Variants in CLMN observed in about 807,000 individuals in gnomAD.
CLMN encodes the protein calmin (calponin-like, transmembrane).
In CLMN, 57 loss-of-function variants were observed where a neutral mutation model predicts 92.7. The ratio of observed to expected loss-of-function variants is 0.61; its 90% confidence interval spans 0.50 to 0.77. The LOEUF (loss-of-function observed/expected upper bound fraction) is 0.77, where lower values mean the gene tolerates loss of function less well. Ranked by LOEUF, CLMN falls within the 30% of genes least tolerant of loss-of-function variation. The pLI is 0.00. For missense variants in CLMN, 1,158 were observed against 1,237.5 expected, an observed-to-expected ratio of 0.94 and a Z score of 0.96; for synonymous variants, 466 against 470.6, an observed-to-expected ratio of 0.99 and a Z score of 0.13.
chr14:95,212,916 G>A (rs1897238112), intron 6 of CLMN, among the ~76,000 whole-genome samples: 1 of 151,742 alleles, frequency 6.6e-6, no homozygotes, highest in African/African-American at 2.4e-5. Flanking sequence ...CTCCCGAGTA[G>A]CTGGGACTAC....
intron 9 of CLMN, among the ~76,000 whole-genome samples, chr14:95,200,478 C>T (rs1471943693): frequency 6.6e-6 from 1 of 152,200 alleles, no homozygotes; most frequent in Admixed American, 6.5e-5. Flanking sequence ...TCCTCCCTGG[C>T]TGTCTTGCCC....
chr14:95,247,972 C>A (rs1002032081), intron 1 of CLMN, among the ~76,000 whole-genome samples: 4 of 152,066 alleles, frequency 2.6e-5, no homozygotes, highest in African/African-American at 9.7e-5. Context: ...CCTGAGGCCC[C>A]ACTACACCCT....
intron 1 of CLMN, among the ~76,000 whole-genome samples, chr14:95,300,471 A>C (rs1297083139): frequency 6.6e-6 from 1 of 152,194 alleles, no homozygotes; most frequent in African/African-American, 2.4e-5. Flanking sequence ...AGATGTGACC[A>C]TCTTCACCTG....
chr14:95,213,179 A>G, intron 6 of CLMN, 40 bp downstream of exon 6: 1 of 1,586,760 alleles, frequency 6.3e-7, no homozygotes, highest in Non-Finnish European at 8.6e-7. Flanking sequence ...GAAAGCAGCT[A>G]GTTAAATGAA....
At chr14:95,288,879 A>G (rs149403127) in intron 1 of CLMN, among the ~76,000 whole-genome samples, 16 of 152,370 alleles carry the variant, frequency 1.1e-4, no homozygotes, top group Non-Finnish European at 1.6e-4. Context: ...ATGAAAAAGA[A>G]TTAACTCACA....
chr14:95,191,811 C>T lies in CLMN; in HGVS notation c.2841-79G>A. On this transcript the variant is annotated intron_variant, in intron 12 of 12. Coordinates refer to ENST00000298912, the MANE Select transcript of CLMN (RefSeq NM_024734.4). The surrounding 1 kb of genome is among the most constrained non-coding windows in gnomAD (Gnocchi z 5.3). The stretch of plus-strand genomic sequence containing the variant: ...GGACCCCACCCAGTGCTACCCGTCT[C>T]TCCCCGGCCCCCACTCCCCGCCTGA... 2 of 1,415,988 alleles carry T rather than the reference C, an allele frequency of 1.4e-6. No homozygotes were observed. Among genetic ancestry groups the T allele is most frequent in the African/African-American group, 1.4e-5 (1 of 69,752 alleles). 87.7% of individuals were successfully genotyped at this position (1,415,988 alleles called of 1,614,324 possible).
intron 1 of CLMN, among the ~76,000 whole-genome samples, chr14:95,231,217 T>TTG (rs1897877107): frequency 6.9e-6 from 1 of 145,942 alleles, no homozygotes; most frequent in African/African-American, 2.6e-5. Flanking sequence ...TTTTTTTTGA[T>TTG]ACAGAGTCTA....
intron 1 of CLMN, among the ~76,000 whole-genome samples, chr14:95,233,352 T>C (rs570373411): frequency 1.7e-4 from 26 of 151,562 alleles, no homozygotes; most frequent in Middle Eastern, 6.8e-3. Context: ...TCCATCCACC[T>C]ACCCATCCAT....
Position 95,239,520 on chromosome 14 carries a change from C to T in CLMN, c.83-9387G>A, listed in dbSNP as rs554440732. On this transcript the variant is annotated intron_variant, in intron 1 of 12. Coordinates refer to ENST00000298912, the MANE Select transcript of CLMN (RefSeq NM_024734.4). ...CAGATTTTGGCGGTTTCTTTTAATCCCAATGTTTTTGTGAAAGTGTTCCGG... is the reference window on the plus strand; with the variant it reads ...CAGATTTTGGCGGTTTCTTTTAATCTCAATGTTTTTGTGAAAGTGTTCCGG... Among the ~76,000 whole-genome samples the T allele has an allele frequency of 5.9e-5, 9 of 152,246 alleles. No individual in the cohort carries two copies. The South Asian group carries it at 1.9e-3, about 32-fold the overall frequency.
intron 1 of CLMN, among the ~76,000 whole-genome samples, chr14:95,248,526 C>A (rs1898660822): frequency 6.6e-6 from 1 of 152,176 alleles, no homozygotes; most frequent in African/African-American, 2.4e-5. Context: ...TCGTCCCTGA[C>A]CAGGACACCA....
chr14:95,214,569 T>C (rs1404478226), intron 5 of CLMN, among the ~76,000 whole-genome samples: 1 of 151,972 alleles, frequency 6.6e-6, no homozygotes, highest in Admixed American at 6.6e-5. Flanking sequence ...AGGGCTGATG[T>C]TGGAACTCCT....
At chr14:95,305,465 A>AT (rs2140786861) in intron 1 of CLMN, among the ~76,000 whole-genome samples, 1 of 152,338 alleles carries the variant, frequency 6.6e-6, no homozygotes, top group Admixed American at 6.5e-5. Context: ...TAAAAATGTG[A>AT]TAGGTTAAAA....
At chr14:95,238,817 G>A (rs955151715) in intron 1 of CLMN, among the ~76,000 whole-genome samples, 5 of 152,082 alleles carry the variant, frequency 3.3e-5, no homozygotes, top group Non-Finnish European at 7.3e-5. Context: ...TCTCTCACAG[G>A]TCCCAGAGGC....
chr14:95,244,881 G>A (rs1214475639), intron 1 of CLMN, among the ~76,000 whole-genome samples: 1 of 151,472 alleles, frequency 6.6e-6, no homozygotes, highest in Non-Finnish European at 1.5e-5. Flanking sequence ...CCCCTTTGGG[G>A]CAACAGGAAT....
At chr14:95,261,013 T>C (rs371942141) in intron 1 of CLMN, among the ~76,000 whole-genome samples, 12 of 152,190 alleles carry the variant, frequency 7.9e-5, no homozygotes, top group Middle Eastern at 3.4e-3. Context: ...TTATTGAATA[T>C]GCATTGATGA....
chr14:95,231,799 G>A (rs759067163), intron 1 of CLMN, among the ~76,000 whole-genome samples: 13 of 152,098 alleles, frequency 8.5e-5, no homozygotes, highest in African/African-American at 2.7e-4. Context: ...TCCAATCATG[G>A]CAAAGGTGTC....
chr14:95,248,278 A>G (rs985602957), intron 1 of CLMN, among the ~76,000 whole-genome samples: 2 of 152,232 alleles, frequency 1.3e-5, no homozygotes, highest in African/African-American at 4.8e-5. Context: ...TCTTAAGAAA[A>G]TATAAAATGC....
chr14:95,298,457 C>A (rs1026432539), intron 1 of CLMN, among the ~76,000 whole-genome samples: 1 of 152,166 alleles, frequency 6.6e-6, no homozygotes, highest in Non-Finnish European at 1.5e-5. Flanking sequence ...AGGCGCCACA[C>A]GGCCACTAAT....
chr14:95,262,406 A>G (rs896125688), intron 1 of CLMN, among the ~76,000 whole-genome samples: 12 of 152,220 alleles, frequency 7.9e-5, no homozygotes, highest in African/African-American at 2.4e-4. Flanking sequence ...GAGTCAACCA[A>G]AAGATATCCA....
Sources: allele counts gnomAD v4.1 joint callset (sites outside exome capture counted in the v4.1 genomes callset), GRCh38; gene constraint gnomAD v4.1.1; non-coding constraint Gnocchi (gnomAD v3.1); transcripts MANE v1.5; gene names NCBI Gene and HGNC (gene_info 2026-07-23, HGNC 2026-07-21).